ZNF10: variants seen among roughly 807,000 people sequenced by gnomAD.
The protein encoded by ZNF10 is zinc finger protein 10 (KOX 1).
Under a neutral mutation model 12.2 loss-of-function variants are expected in ZNF10, and 8 were observed. That is an observed-to-expected ratio of 0.66 (90% CI 0.39 to 1.18). The LOEUF is 1.18. ZNF10 is among the 50% of genes most tolerant of loss of function. The pLI is 0.01. For missense variants in ZNF10, 603 were observed against 678.9 expected (o/e 0.89, Z 1.24); for synonymous variants, 229 against 228.2 (o/e 1.00, Z -0.03).
At position 133,155,853 on chromosome 12, in the gene ZNF10, G is replaced by C. The variant is rs1956036802; in HGVS notation, c.607G>C (p.Gly203Arg). The C allele has an allele frequency of 6.2e-7, 1 of 1,613,398 alleles. No individual in the cohort carries two copies. The change falls in exon 5 of 5, where the codon GGT becomes CGT. Residue 203 changes from glycine to arginine, a missense_variant. Gly to Arg is a moderately radical substitution (Grantham distance 125). This residue lies in a region of ZNF10 where 393 missense variants were observed against 399.7 expected (regional missense o/e 0.98). Transcript: ENST00000248211. ...TTTAAAACATGATTTAGTTCTTAAT[G>C]GTCATCAGGACAGTTGTGCAAGTAA... Reference protein sequence around the residue: ...KSLKHDLVLNGHQDSCASNSN... With the variant: ...KSLKHDLVLNRHQDSCASNSN...
At chr12:133,145,936 C>G (rs900455673) in intron 2 of ZNF10, among the ~76,000 whole-genome samples, 1 of 152,150 alleles carries the variant, frequency 6.6e-6, no homozygotes, top group Non-Finnish European at 1.5e-5. Flanking sequence ...AGTGGTGTCC[C>G]CATGATATGC....
intron 1 of ZNF10, among the ~76,000 whole-genome samples, chr12:133,132,732 C>T (rs1955888161): frequency 6.6e-6 from 1 of 152,132 alleles, no homozygotes; most frequent in Admixed American, 6.6e-5. Flanking sequence ...TCGTAATGAA[C>T]ATCCAAGAGC....
Position 133,155,786 on chromosome 12 carries a change from A to G in ZNF10, c.540A>G (p.Val180=). Residue 180 remains valine, a synonymous_variant, in exon 5 of 5, where the codon GTA becomes GTG. Coordinates refer to ENST00000248211, the MANE Select transcript of ZNF10 (RefSeq NM_015394.5). ...ACTGTCTTCTTCCTGCTCAGCTAGT[A>G]CTGAGAGAGTATTTCCATAAACGTG... ...GGNCLLPAQL[V]LREYFHKRDS... The G allele has an allele frequency of 1.2e-6, 2 of 1,613,884 alleles. No individual in the cohort carries two copies. Among genetic ancestry groups the G allele is most frequent in the South Asian group, 1.1e-5 (1 of 91,020 alleles).
chr12:133,146,525 A>G (rs1236378791), intron 2 of ZNF10, among the ~76,000 whole-genome samples: 1 of 152,082 alleles, frequency 6.6e-6, no homozygotes, highest in African/African-American at 2.4e-5. Context: ...ACAGATGCAT[A>G]TAGTTGTGTA....
In ZNF10 at chr12:133,156,724, A is replaced by G; in HGVS notation, c.1478A>G (p.Gln493Arg). 2 of 1,611,984 alleles carry G rather than the reference A, an allele frequency of 1.2e-6. No individual in the cohort carries two copies. Among genetic ancestry groups the G allele is most frequent in the Non-Finnish European group, 1.7e-6 (2 of 1,179,278 alleles). Reference sequence around the variant, plus strand: ...GGAGAGAAACCATATGAATGCTGTCAGTGTGGGAAAGCCTTCATCCGGAAG... The same window carrying G: ...GGAGAGAAACCATATGAATGCTGTCGGTGTGGGAAAGCCTTCATCCGGAAG... ...HTGEKPYECCQCGKAFIRKND... is the reference protein window; with the variant it reads ...HTGEKPYECCRCGKAFIRKND... The change falls in exon 5 of 5, where the codon CAG becomes CGG. Residue 493 changes from glutamine to arginine, a missense_variant. By Grantham distance (43) the Gln-to-Arg change is conservative (BLOSUM62 1). This residue lies in a region of ZNF10 where 204 missense variants were observed against 262.8 expected (regional missense o/e 0.78). Coordinates refer to ENST00000248211, the MANE Select transcript of ZNF10 (RefSeq NM_015394.5).
At position 133,155,659 on chromosome 12, in the gene ZNF10, A is replaced by G. The variant is rs1231601564; in HGVS notation, c.413A>G (p.Lys138Arg). 1 of 1,613,770 alleles carries G rather than the reference A, an allele frequency of 6.2e-7. No individual in the cohort carries two copies. Residue 138 changes from lysine to arginine, a missense_variant, in exon 5 of 5, where the codon AAG becomes AGG. Lys to Arg is a conservative substitution (Grantham distance 26). Around this residue, in one of 3 missense-constraint regions of ZNF10, gnomAD observed 393 missense variants for 399.7 expected, o/e 0.98. Coordinates refer to ENST00000248211, the MANE Select transcript of ZNF10 (RefSeq NM_015394.5). ...TGGAAATGTAGAGACCAGTTAGACA[A>G]GTATCAGGAAAACCCAGAGAGACAT... is the stretch of plus-strand genomic sequence containing the variant. ...EVWKCRDQLDKYQENPERHLR... is the reference protein window; with the variant it reads ...EVWKCRDQLDRYQENPERHLR...
At chr12:133,148,425 A>T (rs1166899616) in intron 2 of ZNF10, among the ~76,000 whole-genome samples, 1 of 152,018 alleles carries the variant, frequency 6.6e-6, no homozygotes, top group African/African-American at 2.4e-5. Flanking sequence ...CTGACCTATC[A>T]ATTTGTGCTT....
intron 1 of ZNF10, among the ~76,000 whole-genome samples, chr12:133,136,352 T>A (rs545504974): frequency 6.6e-6 from 1 of 152,342 alleles, no homozygotes; most frequent in South Asian, 2.1e-4. Context: ...TTTCCACTAG[T>A]GTATTGAAAC....
At chr12:133,146,832 C>T (rs543653265) in intron 2 of ZNF10, among the ~76,000 whole-genome samples, 4 of 151,654 alleles carry the variant, frequency 2.6e-5, no homozygotes, top group South Asian at 4.2e-4. Flanking sequence ...GGTGAAAGAG[C>T]GAAACTCCAT....
At position 133,152,033 on chromosome 12, in the gene ZNF10, C is replaced by T. The variant is rs981876894; in HGVS notation, c.256+129C>T. The stretch of plus-strand genomic sequence containing the variant: ...TCCTGGGAAGACTGAGTTTATCTGG[C>T]CCCTGTTTCCCCACTGCCAGTCTTT... On this transcript the variant is annotated intron_variant, in intron 4 of 4. Coordinates refer to ENST00000248211, the MANE Select transcript of ZNF10 (RefSeq NM_015394.5). The T allele has an allele frequency of 1.9e-5, 12 of 633,936 alleles. No individual in the cohort carries two copies. In the African/African-American group the frequency reaches 2.2e-4, roughly 12 times the overall value. 39.3% of individuals were successfully genotyped at this position (633,936 alleles called of 1,614,324 possible). A position where few individuals can be genotyped will look rare whatever the true frequency, so the allele number is the denominator to read the frequency against.
intron 1 of ZNF10, among the ~76,000 whole-genome samples, chr12:133,132,153 A>C (rs1180983563): frequency 6.6e-6 from 1 of 152,236 alleles, no homozygotes; most frequent in Non-Finnish European, 1.5e-5. Context: ...TATGTGAACT[A>C]TATGAGAAAA....
At chr12:133,147,055 G>T (rs1277609222) in intron 2 of ZNF10, among the ~76,000 whole-genome samples, 1 of 152,158 alleles carries the variant, frequency 6.6e-6, no homozygotes, top group Non-Finnish European at 1.5e-5. Flanking sequence ...ATGTATCGGA[G>T]GTTCATCTGT....
chr12:133,147,322 A>T (rs549037555), intron 2 of ZNF10, among the ~76,000 whole-genome samples: 75 of 152,372 alleles, frequency 4.9e-4, no homozygotes, highest in African/African-American at 1.8e-3. Flanking sequence ...TTTATGAAAA[A>T]TATGCAAATT....
chr12:133,140,948 A>ATG (rs1955941111), intron 1 of ZNF10, among the ~76,000 whole-genome samples: 2 of 91,668 alleles, frequency 2.2e-5, no homozygotes, highest in Non-Finnish European at 4.8e-5. Flanking sequence ...ATTAGTACAT[A>ATG]CGTGTGAGGA....
intron 4 of ZNF10, among the ~76,000 whole-genome samples, chr12:133,153,007 T>G (rs887912018): frequency 6.6e-6 from 1 of 152,166 alleles, no homozygotes; most frequent in South Asian, 2.1e-4. Flanking sequence ...AAGCAAGTCT[T>G]TCTTTGGGAC....
At chr12:133,144,623 G>A in intron 2 of ZNF10, 98 bp downstream of exon 2, 2 of 1,264,648 alleles carry the variant, frequency 1.6e-6, no homozygotes, top group South Asian at 1.3e-5. Context: ...TTCTCCAGCA[G>A]ACTAGAATTA....
chr12:133,156,204 C>G lies in ZNF10; in HGVS notation c.958C>G (p.Pro320Ala). Residue 320 changes from proline to alanine, a missense_variant, in exon 5 of 5, where the codon CCC (proline) becomes GCC (alanine). Around this residue, in one of 3 missense-constraint regions of ZNF10, gnomAD observed 393 missense variants for 399.7 expected, o/e 0.98. Transcript: ENST00000248211. The stretch of plus-strand genomic sequence containing the variant: ...TCAAAAGACCCATACTGGTGAGGAA[C>G]CCTATGAATGTAAAGAATGTGGAAA... Reference protein sequence around the residue: ...GHQKTHTGEEPYECKECGKSF... With the variant: ...GHQKTHTGEEAYECKECGKSF... The G allele has an allele frequency of 6.2e-7, 1 of 1,614,020 alleles. No individual in the cohort carries two copies. Among genetic ancestry groups the G allele is most frequent in the Non-Finnish European group, 8.5e-7 (1 of 1,180,016 alleles).
intron 1 of ZNF10, among the ~76,000 whole-genome samples, chr12:133,138,398 A>C (rs561033368): frequency 6.6e-6 from 1 of 152,088 alleles, no homozygotes; most frequent in South Asian, 2.1e-4. Flanking sequence ...AAAAAAAAAA[A>C]AAAATTAGCC....
intron 2 of ZNF10, 93 bp downstream of exon 2, chr12:133,144,618 C>A: frequency 7.8e-7 from 1 of 1,288,462 alleles, no homozygotes; most frequent in Non-Finnish European, 1.1e-6. Flanking sequence ...TCTTCTTCTC[C>A]AGCAGACTAG....
Sources: allele counts gnomAD v4.1 joint callset (sites outside exome capture counted in the v4.1 genomes callset), GRCh38; gene constraint gnomAD v4.1.1; regional missense constraint gnomAD v4.1.1; transcripts MANE v1.5; gene names NCBI Gene and HGNC (gene_info 2026-07-23, HGNC 2026-07-21).